The following AGO2 variants were observed in gnomAD, a reference collection of about 807,000 sequenced individuals.
AGO2 encodes the protein protein argonaute-2.
A neutral mutation model predicts 102.3 loss-of-function variants in AGO2; 5 were observed. The observed-to-expected ratio is 0.05, with a 90% CI of 0.03 to 0.10. AGO2 has a LOEUF of 0.10. AGO2 is among the 10% of genes least tolerant of loss of function. The pLI is 1.00. For synonymous variants in AGO2, 449 were observed against 473.1 expected, an observed-to-expected ratio of 0.95 and a Z score of 0.66; for missense variants, 541 against 1,183.7, an observed-to-expected ratio of 0.46 and a Z score of 7.97.
At chr8:140,572,696 C>T in intron 3 of AGO2, 116 bp downstream of exon 3, 1 of 1,418,526 alleles carries the variant, frequency 7.0e-7, no homozygotes, top group Non-Finnish European at 9.4e-7. Flanking sequence ...GTGAACTGCT[C>T]TCTCCTCCTC....
At position 140,547,779 on chromosome 8, in the gene AGO2, T is replaced by C. The variant is rs539807590; in HGVS notation, c.1589-152A>G. ...TTTGCGTGTCCCCCTCTGTCCGAGG[T>C]CGGTGATAGAAGAGGGTCCCTGGTC... On this transcript the variant is annotated intron_variant, in intron 12 of 18. Coordinates refer to ENST00000220592, the MANE Select transcript of AGO2 (RefSeq NM_012154.5). 7.6e-6 allele frequency: 9 copies of C among 1,180,078 alleles called. No individual in the cohort carries two copies. The African/African-American group carries it at 1.2e-4, about 16-fold the overall frequency. 73.1% of individuals were successfully genotyped at this position (1,180,078 alleles called of 1,614,324 possible). A position where few individuals can be genotyped will look rare whatever the true frequency, so the allele number is the denominator to read the frequency against.
chr8:140,540,501 G>A lies in AGO2; in HGVS notation c.2034+663C>T, dbSNP rs1012622735. 9.2e-5 allele frequency among the ~76,000 whole-genome samples: 14 copies of A among 152,206 alleles called. No individual in the cohort carries two copies. Among genetic ancestry groups the A allele is most frequent in the Non-Finnish European group, 5.9e-5 (4 of 68,024 alleles). The stretch of plus-strand genomic sequence containing the variant: ...GAAACATTCAGGGCACCCATCGCCC[G>A]GGTTCCAGGCCAAGATGGACTCATT... On this transcript the variant is annotated intron_variant, in intron 15 of 18. Transcript: ENST00000220592. This position sits in a 1 kb window ranked among gnomAD's most constrained non-coding sequence, Gnocchi z 5.0.
intron 1 of AGO2, among the ~76,000 whole-genome samples, chr8:140,588,756 G>A (rs2073701995): frequency 6.6e-6 from 1 of 152,258 alleles, no homozygotes; most frequent in South Asian, 2.1e-4. Flanking sequence ...GCTCCTGGGA[G>A]GGGCGATGGC....
intron 10 of AGO2, among the ~76,000 whole-genome samples, chr8:140,551,706 T>TTGATGGGTCGGGGGAG (rs1283219083): frequency 6.9e-6 from 1 of 144,204 alleles, no homozygotes; most frequent in African/African-American, 2.6e-5. Flanking sequence ...GGTCGGTGGA[T>TTGATGGGTCGGGGGAG]AGTTGATGGG....
At chr8:140,603,649 C>A in intron 1 of AGO2, among the ~76,000 whole-genome samples, 1 of 152,246 alleles carries the variant, frequency 6.6e-6, no homozygotes, top group East Asian at 1.9e-4. Flanking sequence ...CCTGGCCCCC[C>A]TCATGTGGCA....
At chr8:140,599,966 G>T (rs1429632359) in intron 1 of AGO2, among the ~76,000 whole-genome samples, 1 of 152,130 alleles carries the variant, frequency 6.6e-6, no homozygotes, top group Non-Finnish European at 1.5e-5. Flanking sequence ...AAGTGATCTG[G>T]ATCTCTCAGC....
At chr8:140,579,127 G>A (rs1393579353) in intron 2 of AGO2, among the ~76,000 whole-genome samples, 1 of 152,050 alleles carries the variant, frequency 6.6e-6, no homozygotes, top group African/African-American at 2.4e-5. Context: ...GGAGGCTGAG[G>A]TGGAAGGATT....
intron 1 of AGO2, among the ~76,000 whole-genome samples, chr8:140,614,297 C>G (rs1051486367): frequency 4.6e-5 from 7 of 152,194 alleles, no homozygotes; most frequent in Non-Finnish European, 8.8e-5. Flanking sequence ...GCACTCCAGC[C>G]TAGGAGACAG....
At chr8:140,579,733 G>T (rs373763758) in intron 2 of AGO2, among the ~76,000 whole-genome samples, 1 of 152,076 alleles carries the variant, frequency 6.6e-6, no homozygotes, top group African/African-American at 2.4e-5. Context: ...GAAGGAGAAC[G>T]GGTGGGTCAG....
intron 1 of AGO2, among the ~76,000 whole-genome samples, chr8:140,595,828 T>A (rs2073824347): frequency 1.7e-5 from 1 of 59,690 alleles, no homozygotes; most frequent in African/African-American, 5.1e-5. Context: ...ATATTTATAT[T>A]ATATACAATT....
At chr8:140,638,008 C>G (rs1445042985), upstream of AGO2, 1 of 152,282 alleles carries the variant, frequency 6.6e-6, no homozygotes, top group African/African-American at 2.4e-5. Flanking sequence ...CTCCCTGATA[C>G]AATTCCTTCC....
intron 1 of AGO2, among the ~76,000 whole-genome samples, chr8:140,585,844 T>TA (rs924752410): frequency 1.5e-4 from 23 of 152,222 alleles, no homozygotes; most frequent in African/African-American, 2.9e-4. Context: ...CTTCTCCATT[T>TA]AAAAAAAATC....
chr8:140,579,304 A>G (rs748712444), intron 2 of AGO2, among the ~76,000 whole-genome samples: 8 of 152,166 alleles, frequency 5.3e-5, no homozygotes, highest in South Asian at 2.1e-4. Context: ...AAGTAACCTT[A>G]TCCTTTTCAA....
chr8:140,572,652 A>G (rs543307267), intron 3 of AGO2, 160 bp downstream of exon 3: 5 of 986,192 alleles, frequency 5.1e-6, no homozygotes, highest in Non-Finnish European at 7.0e-6. Context: ...CAGAGAAGGT[A>G]GTTTTTATGG....
chr8:140,551,478 A>T, intron 10 of AGO2, 42 bp from the exon 11 acceptor site: 1 of 1,474,270 alleles, frequency 6.8e-7, no homozygotes, highest in Non-Finnish European at 9.1e-7. Context: ...AAAATGGAAA[A>T]CATATTCCTT....
At chr8:140,595,620 A>G (rs2073815004) in intron 1 of AGO2, among the ~76,000 whole-genome samples, 1 of 134,760 alleles carries the variant, frequency 7.4e-6, no homozygotes, top group African/African-American at 2.7e-5. Flanking sequence ...TATATAATAT[A>G]TATATATATT....
At chr8:140,597,506 T>C (rs2073866585) in intron 1 of AGO2, among the ~76,000 whole-genome samples, 1 of 61,362 alleles carries the variant, frequency 1.6e-5, no homozygotes, top group South Asian at 5.6e-4. Flanking sequence ...CCTCCCTGCC[T>C]GAGTGAGGGG....
At position 140,585,288 on chromosome 8, in the gene AGO2, G is replaced by T; in HGVS notation, c.46C>A (p.Pro16Thr). ...TTGAAGGCATATCCTTGGATGGGGG[G>T]CGGCGGCGCAGGAGGTGCAAGTGCT... ...GPALAPPAPP[P>T]PIQGYAFKPP... is the part of the protein sequence containing the mutation. The change falls in exon 2 of 19, where the codon CCC (proline) becomes ACC (threonine). Residue 16 changes from proline (P) to threonine (T), a missense_variant. Transcript: ENST00000220592. 3 of 1,613,998 alleles carry T rather than the reference G, an allele frequency of 1.9e-6. No homozygotes were observed. The highest frequency in any genetic ancestry group is 2.5e-6 in the Non-Finnish European group (3 of 1,179,958).
rs1472289963 is a variant in AGO2, at chr8:140,521,133, T to G, written c.*10911A>C. 1 of 152,200 alleles carries G rather than the reference T, an allele frequency of 6.6e-6. No homozygotes were observed. Among genetic ancestry groups the G allele is most frequent in the African/African-American group, 2.4e-5 (1 of 41,454 alleles). 9.4% of individuals were successfully genotyped at this position (152,200 alleles called of 1,614,324 possible). On this transcript the variant is annotated 3_prime_UTR_variant, in exon 19 of 19. Transcript: ENST00000220592. Reference sequence around the variant, plus strand: ...AGGTACCTATATAAATTTAATCACCTGCCCCAAAGTCCTCTCGTTAGGTTA... The same window carrying G: ...AGGTACCTATATAAATTTAATCACCGGCCCCAAAGTCCTCTCGTTAGGTTA...
Sources: gnomAD v4.1 joint callset for allele counts (sites outside exome capture counted in the v4.1 genomes callset) on GRCh38, gnomAD v4.1.1 for gene constraint, Gnocchi (gnomAD v3.1) non-coding constraint, MANE v1.5 for transcripts, NCBI Gene and HGNC (gene_info 2026-07-23, HGNC 2026-07-21) for gene names.